The following HTR4 variants were observed in gnomAD, a reference collection of about 807,000 sequenced individuals.
HTR4 encodes 5-hydroxytryptamine (serotonin) receptor 4, G protein-coupled.
Under a neutral mutation model 36.8 loss-of-function variants are expected in HTR4, and 16 were observed. That is an observed-to-expected ratio of 0.43 (90% confidence interval 0.29 to 0.66). The LOEUF is 0.66. Among genes scored for constraint, HTR4 ranks in the 30% least tolerant of loss-of-function variants. HTR4 has a pLI of 0.13. For synonymous variants in HTR4, 189 were observed against 185.1 expected, an observed-to-expected ratio of 1.02 and a Z score of -0.17; for missense variants, 438 against 490.9, an observed-to-expected ratio of 0.89 and a Z score of 1.02.
intron 4 of HTR4, among the ~76,000 whole-genome samples, chr5:148,530,023 A>G (rs978243050): frequency 3.9e-5 from 6 of 152,180 alleles, no homozygotes; most frequent in Admixed American, 6.5e-5. Context: ...AGAAATTTCC[A>G]CCATCAGGAA....
intron 2 of HTR4, among the ~76,000 whole-genome samples, chr5:148,624,386 T>G (rs1452861782): frequency 6.6e-6 from 1 of 152,160 alleles, no homozygotes; most frequent in Non-Finnish European, 1.5e-5. Flanking sequence ...AGAGCACCCC[T>G]TCATAGAGTG....
intron 4 of HTR4, 152 bp from the exon 5 acceptor site, chr5:148,523,498 G>A: frequency 2.0e-6 from 1 of 509,704 alleles, no homozygotes; most frequent in Non-Finnish European, 3.3e-6. Flanking sequence ...CGGAGGGGAA[G>A]CAGAGAATAA....
At chr5:148,644,143 G>C (rs779453072) in intron 1 of HTR4, among the ~76,000 whole-genome samples, 1 of 152,072 alleles carries the variant, frequency 6.6e-6, no homozygotes, top group Non-Finnish European at 1.5e-5. Flanking sequence ...GTGGTTCAGG[G>C]ACCACTCTTT....
At chr5:148,512,202 T>C (rs776120882) in intron 5 of HTR4, among the ~76,000 whole-genome samples, 13 of 152,222 alleles carry the variant, frequency 8.5e-5, no homozygotes, top group Non-Finnish European at 1.9e-4. Context: ...CAGTGTGCCC[T>C]GGTTTCTGCA....
intron 6 of HTR4, among the ~76,000 whole-genome samples, chr5:148,497,151 A>G (rs1309556770): frequency 1.3e-5 from 2 of 152,064 alleles, no homozygotes; most frequent in Admixed American, 1.3e-4. Context: ...TTTTTAAGGA[A>G]CTTTAGTTAT....
chr5:148,511,576 G>A (rs1182945500), intron 5 of HTR4, among the ~76,000 whole-genome samples: 1 of 151,178 alleles, frequency 6.6e-6, no homozygotes, highest in African/African-American at 2.4e-5. Flanking sequence ...TTTTGGGTTT[G>A]TGCTATTTTG....
chr5:148,624,648 G>A (rs1232043868), intron 2 of HTR4, among the ~76,000 whole-genome samples: 1 of 152,136 alleles, frequency 6.6e-6, no homozygotes, highest in Non-Finnish European at 1.5e-5. Flanking sequence ...GAGAACTTGT[G>A]TTCTTTTCAC....
intron 2 of HTR4, among the ~76,000 whole-genome samples, chr5:148,595,184 T>C (rs914203796): frequency 1.1e-4 from 17 of 151,808 alleles, no homozygotes; most frequent in South Asian, 8.3e-4. Context: ...AGAAAAGACA[T>C]GTATTAAAGG....
At chr5:148,524,337 C>T (rs1244447852) in intron 4 of HTR4, among the ~76,000 whole-genome samples, 1 of 152,130 alleles carries the variant, frequency 6.6e-6, no homozygotes, top group East Asian at 1.9e-4. Context: ...TTCTGGGATA[C>T]TAAGAATGTA....
intron 5 of HTR4, among the ~76,000 whole-genome samples, chr5:148,457,960 T>TA (rs1490381420): frequency 4.1e-5 from 4 of 97,956 alleles, no homozygotes; most frequent in African/African-American, 1.3e-4. Context: ...TAAATATATA[T>TA]TAAAATATAA....
chr5:148,511,618 T>TG (rs1491492770), intron 5 of HTR4, among the ~76,000 whole-genome samples: 59 of 146,852 alleles, frequency 4.0e-4, no homozygotes, highest in African/African-American at 1.5e-3. Flanking sequence ...CTTGTGGAAG[T>TG]TTGTGTGTGT....
At chr5:148,502,380 C>A (rs571912403) in intron 6 of HTR4, among the ~76,000 whole-genome samples, 90 of 152,338 alleles carry the variant, frequency 5.9e-4, no homozygotes, top group African/African-American at 2.1e-3. Flanking sequence ...GATACCCAGG[C>A]TAACAGGTTC....
rs553922527 is a variant in HTR4, at chr5:148,509,627, T to A, written c.905A>T (p.Tyr302Phe). The change falls in exon 6 of 7, where the codon TAT (tyrosine) becomes TTT (phenylalanine). Residue 302 changes from tyrosine to phenylalanine, a missense_variant. Coordinates refer to ENST00000377888, the MANE Select transcript of HTR4 (RefSeq NM_000870.7). ...AAAAGGGTTCAACCCGGAATTGATA[T>A]AGCCGAGCCAGAGGAAAGCAGTCCA... ...QVWTAFLWLG[Y>F]INSGLNPFLY... 3 of 1,614,070 alleles carry A rather than the reference T, an allele frequency of 1.9e-6. No individual in the cohort carries two copies. The South Asian group carries it at 3.3e-5, about 18-fold the overall frequency.
intron 5 of HTR4, among the ~76,000 whole-genome samples, chr5:148,520,652 G>T (rs1757967465): frequency 1.3e-5 from 2 of 152,172 alleles, no homozygotes; most frequent in South Asian, 4.1e-4. Context: ...TAATGTTGTT[G>T]TGAAGCCTAA....
At chr5:148,581,701 T>C (rs776109454) in intron 2 of HTR4, among the ~76,000 whole-genome samples, 5 of 152,150 alleles carry the variant, frequency 3.3e-5, no homozygotes, top group Non-Finnish European at 7.4e-5. Context: ...TCTATATGTC[T>C]ATTTTTATGC....
chr5:148,595,526 C>T (rs1166265433), intron 2 of HTR4, among the ~76,000 whole-genome samples: 2 of 152,178 alleles, frequency 1.3e-5, no homozygotes, highest in African/African-American at 2.4e-5. Context: ...GCAAATCATG[C>T]CCCAAACATG....
intron 2 of HTR4, among the ~76,000 whole-genome samples, chr5:148,588,573 G>T (rs1162398997): frequency 7.9e-6 from 1 of 126,296 alleles, no homozygotes; most frequent in Admixed American, 1.0e-4. Context: ...TCGCTCTGTC[G>T]CCCAGGCCGG....
At chr5:148,600,143 A>C (rs1761931313) in intron 2 of HTR4, among the ~76,000 whole-genome samples, 1 of 150,950 alleles carries the variant, frequency 6.6e-6, no homozygotes, top group African/African-American at 2.4e-5. Context: ...TTTGAATGTA[A>C]ATATTTTAAA....
downstream of HTR4, among the ~76,000 whole-genome samples, chr5:148,477,625 C>A (rs1581352946): frequency 6.6e-6 from 1 of 152,340 alleles, no homozygotes; most frequent in East Asian, 1.9e-4. Flanking sequence ...GAAAATGATA[C>A]TTACCTTAAC....
Sources: gnomAD v4.1 joint callset for allele counts (sites outside exome capture counted in the v4.1 genomes callset) on GRCh38, gnomAD v4.1.1 for gene constraint, MANE v1.5 for transcripts, NCBI Gene and HGNC (gene_info 2026-07-23, HGNC 2026-07-21) for gene names.